The following UBXN2A variants were observed in gnomAD, a reference collection of about 807,000 sequenced individuals.
UBXN2A encodes UBX domain protein 2A.
In UBXN2A, 28 loss-of-function variants were observed where a neutral mutation model predicts 28.4. The ratio of observed to expected loss-of-function variants is 0.99; its 90% CI spans 0.73 to 1.35. UBXN2A has a LOEUF of 1.35. Ranked by LOEUF, UBXN2A falls within the 40% of genes most tolerant of loss-of-function variation. The pLI is 0.00. For missense variants in UBXN2A, 253 were observed against 297.9 expected (o/e 0.85, Z 1.11); for synonymous variants, 97 against 103.6 (o/e 0.94, Z 0.39).
chr2:23,993,702 T>TC (rs1283438572), intron 6 of UBXN2A, among the ~76,000 whole-genome samples: 1 of 116,020 alleles, frequency 8.6e-6, no homozygotes, highest in Non-Finnish European at 1.9e-5. Context: ...TTTTTTTTTT[T>TC]TTTCAAGACA....
chr2:23,953,718 T>C (rs1422257486), intron 1 of UBXN2A, among the ~76,000 whole-genome samples: 1 of 152,200 alleles, frequency 6.6e-6, no homozygotes, highest in Non-Finnish European at 1.5e-5. Flanking sequence ...TTGAAGAAAA[T>C]GGATCATTTT....
chr2:23,935,959 A>G (rs1169266414), upstream of UBXN2A, among the ~76,000 whole-genome samples: 1 of 152,096 alleles, frequency 6.6e-6, no homozygotes, highest in Non-Finnish European at 1.5e-5. Context: ...AGCTGAGGTG[A>G]GAGAATCCCT....
At chr2:23,949,830 T>C (rs1412015747) in intron 1 of UBXN2A, among the ~76,000 whole-genome samples, 1 of 150,818 alleles carries the variant, frequency 6.6e-6, no homozygotes, top group East Asian at 1.9e-4. Flanking sequence ...AGCTGAGACC[T>C]CACCACTGCA....
intron 6 of UBXN2A, among the ~76,000 whole-genome samples, chr2:23,985,283 C>G (rs1708080661): frequency 6.6e-6 from 1 of 151,752 alleles, no homozygotes; most frequent in Non-Finnish European, 1.5e-5. Context: ...GAGTCTCGCT[C>G]TGTTGCCCAG....
intron 1 of UBXN2A, among the ~76,000 whole-genome samples, chr2:23,946,449 T>C (rs1706083695): frequency 1.3e-5 from 2 of 152,012 alleles, no homozygotes; most frequent in Non-Finnish European, 2.9e-5. Context: ...GCCTGCTGAG[T>C]AGCTGGGACT....
At chr2:23,972,461 C>T (rs1268971614) in intron 3 of UBXN2A, among the ~76,000 whole-genome samples, 7 of 152,020 alleles carry the variant, frequency 4.6e-5, no homozygotes, top group Non-Finnish European at 1.0e-4. Context: ...TTATTCTTTG[C>T]GTATACTTCC....
At position 24,001,406 on chromosome 2, in the gene UBXN2A, C is replaced by G. The variant is rs1433801422; in HGVS notation, c.*1539C>G. On this transcript the variant is annotated 3_prime_UTR_variant, in exon 7 of 7. Transcript: ENST00000309033. The stretch of plus-strand genomic sequence containing the variant: ...CAGACTTTAACTAAATCCAGTTAGA[C>G]CTCAATTTTTCACTGTCAGATTAAA... 6.6e-6 allele frequency: 1 copy of G among 152,080 alleles called. No homozygotes were observed. Among genetic ancestry groups the G allele is most frequent in the Non-Finnish European group, 1.5e-5 (1 of 68,030 alleles). The allele number at this position is 152,080 out of a possible 1,614,324, so 9.4% of individuals were successfully genotyped here.
intron 4 of UBXN2A, 52 bp downstream of exon 4, chr2:23,977,127 G>A: frequency 1.4e-6 from 2 of 1,450,550 alleles, no homozygotes; most frequent in Non-Finnish European, 1.9e-6. Context: ...ACTTTGGCAG[G>A]CTGTGGCGAG....
At chr2:23,957,065 G>A (rs1172689194) in intron 1 of UBXN2A, among the ~76,000 whole-genome samples, 1 of 152,026 alleles carries the variant, frequency 6.6e-6, no homozygotes, top group African/African-American at 2.4e-5. Flanking sequence ...TAGTTGTTAT[G>A]TAATTTTAAA....
At chr2:23,991,821 C>G (rs1708365625) in intron 6 of UBXN2A, among the ~76,000 whole-genome samples, 1 of 146,502 alleles carries the variant, frequency 6.8e-6, no homozygotes, top group Non-Finnish European at 1.5e-5. Flanking sequence ...GAGACAGTCT[C>G]AACTCTGTTG....
chr2:23,999,568 C>G, intron 6 of UBXN2A, 104 bp from the exon 7 acceptor site: 2 of 1,267,612 alleles, frequency 1.6e-6, no homozygotes, highest in Non-Finnish European at 2.2e-6. Flanking sequence ...AAGACGCTAT[C>G]TCTAATAATA....
chr2:23,964,590 G>A (rs1188626638), intron 2 of UBXN2A, among the ~76,000 whole-genome samples: 1 of 152,250 alleles, frequency 6.6e-6, no homozygotes, highest in Non-Finnish European at 1.5e-5. Flanking sequence ...GGTTGCCAGG[G>A]GCTAGGGGAA....
intron 2 of UBXN2A, among the ~76,000 whole-genome samples, chr2:23,966,425 G>A (rs1013573452): frequency 1.3e-5 from 2 of 149,772 alleles, no homozygotes; most frequent in Admixed American, 6.7e-5. Context: ...GTGAGCCACC[G>A]CACCTGGCCT....
intron 1 of UBXN2A, among the ~76,000 whole-genome samples, chr2:23,932,723 T>C (rs1705406928): frequency 6.6e-6 from 1 of 152,150 alleles, no homozygotes; most frequent in Non-Finnish European, 1.5e-5. Flanking sequence ...CAAACATAAA[T>C]CATCTCTGAC....
chr2:23,942,120 A>G (rs868469848), intron 1 of UBXN2A, among the ~76,000 whole-genome samples: 2 of 152,180 alleles, frequency 1.3e-5, no homozygotes, highest in African/African-American at 2.4e-5. Context: ...AATAAATGCC[A>G]ATAAGCAAAG....
intron 3 of UBXN2A, among the ~76,000 whole-genome samples, chr2:23,972,778 C>T (rs373342698): frequency 3.3e-5 from 5 of 152,056 alleles, no homozygotes; most frequent in South Asian, 4.2e-4. Flanking sequence ...GTTGAGATTG[C>T]GCCACTGCAC....
intron 1 of UBXN2A, among the ~76,000 whole-genome samples, chr2:23,928,567 A>G (rs1351778147): frequency 6.6e-6 from 1 of 150,912 alleles, no homozygotes; most frequent in Admixed American, 6.6e-5. Context: ...ACAGAATGAG[A>G]CTCCATCTCA....
Position 24,003,174 on chromosome 2 carries a change from G to A in UBXN2A, c.*3307G>A, listed in dbSNP as rs1708750647. On this transcript the variant is annotated 3_prime_UTR_variant, in exon 7 of 7. Coordinates refer to ENST00000309033, the MANE Select transcript of UBXN2A (RefSeq NM_181713.4). ...CTCACGTGATTCTTAAGTATGTGGTGGAAGTACCTTTCTTCAGGAAATTCT... is the reference window on the plus strand; with the variant it reads ...CTCACGTGATTCTTAAGTATGTGGTAGAAGTACCTTTCTTCAGGAAATTCT... 1 of 152,156 alleles carries A rather than the reference G, an allele frequency of 6.6e-6. No homozygotes were observed. The highest frequency in any genetic ancestry group is 1.5e-5 in the Non-Finnish European group (1 of 68,036). 9.4% of individuals were successfully genotyped at this position (152,156 alleles called of 1,614,324 possible). A position where few individuals can be genotyped will look rare whatever the true frequency, so the allele number is the denominator to read the frequency against.
At chr2:23,936,916 G>C (rs1485397025), upstream of UBXN2A, among the ~76,000 whole-genome samples, 1 of 152,044 alleles carries the variant, frequency 6.6e-6, no homozygotes, top group Non-Finnish European at 1.5e-5. Flanking sequence ...TCACCATGTT[G>C]CCCAGGCTCG....
Sources: gnomAD v4.1 joint callset for allele counts (sites outside exome capture counted in the v4.1 genomes callset) on GRCh38, gnomAD v4.1.1 for gene constraint, MANE v1.5 for transcripts, NCBI Gene and HGNC (gene_info 2026-07-23, HGNC 2026-07-21) for gene names.